PAPPA2: variants seen among roughly 807,000 people sequenced by gnomAD.
PAPPA2 encodes the protein pappalysin-2.
A neutral mutation model predicts 176.4 loss-of-function variants in PAPPA2; 86 were observed. The observed-to-expected ratio is 0.49, with a 90% CI of 0.41 to 0.58. The LOEUF (loss-of-function observed/expected upper bound fraction) is 0.58. Among genes scored for constraint, PAPPA2 ranks in the 20% least tolerant of loss-of-function variants. The probability of loss-of-function intolerance (pLI) is 0.00; values close to 1 mark genes in which losing one functional copy is unlikely to be tolerated. For synonymous variants in PAPPA2, 809 were observed against 852.2 expected (o/e 0.95, Z 0.88); for missense variants, 2,073 against 2,256.9 (o/e 0.92, Z 1.65).
chr1:176,681,362 G>A (rs999509898), intron 4 of PAPPA2, among the ~76,000 whole-genome samples: 2 of 152,156 alleles, frequency 1.3e-5, no homozygotes, highest in African/African-American at 4.8e-5. Context: ...TCAGGTGCAT[G>A]CGACTTGAGG....
intron 1 of PAPPA2, among the ~76,000 whole-genome samples, chr1:176,487,148 A>G (rs1241634532): frequency 6.6e-6 from 1 of 152,092 alleles, no homozygotes; most frequent in African/African-American, 2.4e-5. Flanking sequence ...ATATGGATAA[A>G]TGTAATTATT....
rs1244967762 is a variant in PAPPA2 at position 176,479,849 on chromosome 1, A to G, written c.-917+16431A>G. 2.0e-5 allele frequency among the ~76,000 whole-genome samples: 3 copies of G among 152,266 alleles called. No individual in the cohort carries two copies. The East Asian group carries it at 5.8e-4, about 29-fold the overall frequency. On this transcript the variant is annotated intron_variant, in intron 1 of 22. Coordinates refer to ENST00000367662, the MANE Select transcript of PAPPA2 (RefSeq NM_020318.3). ...GTAAAATACACTAACTTGATTTGTA[A>G]CATTGACTGTCCTTGTTGTATTCCC... is the stretch of plus-strand genomic sequence containing the variant.
In PAPPA2 at chr1:176,555,728, G is replaced by C. The variant is rs886347736; in HGVS notation, c.-595G>C. ...AAGAAGCATCAAATTGCGTGTCTCT[G>C]TGTAAAAGTTCTAGCAATTTGTTTT... On this transcript the variant is annotated 5_prime_UTR_variant, in exon 2 of 23. Transcript: ENST00000367662. The C allele has an allele frequency of 6.6e-6, 1 of 152,280 alleles. No homozygotes were observed. The highest frequency in any genetic ancestry group is 1.5e-5 in the Non-Finnish European group (1 of 68,104). The allele number at this position is 152,280 out of a possible 1,614,324, so 9.4% of individuals were successfully genotyped here.
At chr1:176,596,170 C>T (rs912298866) in intron 3 of PAPPA2, among the ~76,000 whole-genome samples, 3 of 152,150 alleles carry the variant, frequency 2.0e-5, no homozygotes, top group Non-Finnish European at 2.9e-5. Flanking sequence ...ATTCTTTGTG[C>T]AGCATCCAGA....
intron 2 of PAPPA2, among the ~76,000 whole-genome samples, chr1:176,574,378 C>A (rs1266581626): frequency 6.6e-6 from 1 of 151,964 alleles, no homozygotes; most frequent in African/African-American, 2.4e-5. Context: ...GAGGATTTCT[C>A]TATGTTGCTG....
intron 1 of PAPPA2, among the ~76,000 whole-genome samples, chr1:176,551,349 T>C (rs1650936910): frequency 6.6e-6 from 1 of 152,226 alleles, no homozygotes; most frequent in Non-Finnish European, 1.5e-5. Flanking sequence ...CTTCTATATA[T>C]AGATTCCGCA....
intron 1 of PAPPA2, among the ~76,000 whole-genome samples, chr1:176,473,253 T>C (rs1050364709): frequency 1.3e-5 from 2 of 152,228 alleles, no homozygotes; most frequent in African/African-American, 4.8e-5. Context: ...AGTTTTGCCT[T>C]TTCTAGAATG....
intron 21 of PAPPA2, among the ~76,000 whole-genome samples, chr1:176,801,464 A>G (rs1175488675): frequency 6.6e-6 from 1 of 152,132 alleles, no homozygotes; most frequent in Non-Finnish European, 1.5e-5. Flanking sequence ...GGCTGGGGAA[A>G]TCATACCAAT....
intron 14 of PAPPA2, among the ~76,000 whole-genome samples, chr1:176,743,824 T>G (rs1003867474): frequency 1.3e-5 from 2 of 152,202 alleles, no homozygotes; most frequent in South Asian, 4.1e-4. Context: ...TCCAATCACA[T>G]GGATAAAATG....
intron 17 of PAPPA2, among the ~76,000 whole-genome samples, chr1:176,777,834 A>T (rs1283618806): frequency 6.6e-6 from 1 of 152,086 alleles, no homozygotes; most frequent in Non-Finnish European, 1.5e-5. Context: ...CATCACCATC[A>T]TCATTATCAT....
chr1:176,620,753 A>AAACCAC (rs1421515881), intron 3 of PAPPA2, among the ~76,000 whole-genome samples: 1 of 152,238 alleles, frequency 6.6e-6, no homozygotes, highest in Non-Finnish European at 1.5e-5. Context: ...TTATAGCTTA[A>AAACCAC]AACCACAAAT....
intron 2 of PAPPA2, among the ~76,000 whole-genome samples, chr1:176,573,443 T>C (rs1398933109): frequency 2.0e-5 from 3 of 152,162 alleles, no homozygotes; most frequent in African/African-American, 7.2e-5. Flanking sequence ...ATTTATGGAA[T>C]TCCATAGTCA....
intron 1 of PAPPA2, among the ~76,000 whole-genome samples, chr1:176,539,588 G>A (rs570241875): frequency 1.3e-5 from 2 of 152,314 alleles, no homozygotes; most frequent in East Asian, 1.9e-4. Flanking sequence ...AATGTTCAAG[G>A]TGCTGGTTAT....
At position 176,739,860 on chromosome 1, in the gene PAPPA2, C is replaced by T. The variant is rs1447032612; in HGVS notation, c.3934+99C>T. On this transcript the variant is annotated intron_variant, in intron 13 of 22. Transcript: ENST00000367662. ...TCTTTTATGTTGTCTGGGATCTTGC[C>T]TACATCATACATCTAGGTTTTGGCA... 14 of 1,567,096 alleles carry T rather than the reference C, an allele frequency of 8.9e-6. No individual in the cohort carries two copies. The Admixed American group carries it at 2.4e-4, about 27-fold the overall frequency.
chr1:176,499,789 C>T (rs1647854187), intron 1 of PAPPA2, among the ~76,000 whole-genome samples: 1 of 152,288 alleles, frequency 6.6e-6, no homozygotes. Context: ...AGTTGGCTAA[C>T]CCATGGTTTA....
intron 22 of PAPPA2, among the ~76,000 whole-genome samples, 158 bp downstream of exon 22, chr1:176,840,429 G>T (rs1280533078): frequency 1.3e-5 from 2 of 152,142 alleles, no homozygotes; most frequent in Non-Finnish European, 2.9e-5. Flanking sequence ...AAGTGACAGG[G>T]TTAAGGGTAG....
At chr1:176,503,734 T>G (rs1364518701) in intron 1 of PAPPA2, among the ~76,000 whole-genome samples, 1 of 152,174 alleles carries the variant, frequency 6.6e-6, no homozygotes, top group Non-Finnish European at 1.5e-5. Flanking sequence ...TTTGTAAGGA[T>G]TAGGCAGAGG....
intron 3 of PAPPA2, among the ~76,000 whole-genome samples, chr1:176,645,278 A>G (rs1256653832): frequency 1.3e-5 from 2 of 151,710 alleles, no homozygotes; most frequent in African/African-American, 2.4e-5. Flanking sequence ...GGTAACCACA[A>G]TTCTACCCTC....
At chr1:176,710,696 T>A (rs1294653713) in intron 11 of PAPPA2, among the ~76,000 whole-genome samples, 2 of 152,162 alleles carry the variant, frequency 1.3e-5, no homozygotes, top group African/African-American at 4.8e-5. Context: ...ATGCTTTTAT[T>A]GTGAAATAAA....
Sources: allele counts gnomAD v4.1 joint callset (sites outside exome capture counted in the v4.1 genomes callset), GRCh38; gene constraint gnomAD v4.1.1; transcripts MANE v1.5; gene names NCBI Gene and HGNC (gene_info 2026-07-23, HGNC 2026-07-21).